The following TENM3 variants were observed in gnomAD, a reference collection of about 807,000 sequenced individuals.
TENM3 encodes the protein teneurin transmembrane protein 3, also known as teneurin-3.
TENM3 carries 63 observed loss-of-function variants against 255.1 expected under a neutral mutation model. The observed-to-expected ratio is 0.25, with a 90% CI of 0.20 to 0.30. The LOEUF is 0.30. Ranked by LOEUF, TENM3 falls within the 10% of genes least tolerant of loss-of-function variation. The pLI is 1.00. For synonymous variants in TENM3, 1,306 were observed against 1,322.3 expected (o/e 0.99, Z 0.27); for missense variants, 2,929 against 3,461.1 (o/e 0.85, Z 3.86).
chr4:182,154,607 C>T (rs572854918), intron 1 of TENM3, among the ~76,000 whole-genome samples: 5 of 152,220 alleles, frequency 3.3e-5, no homozygotes, highest in African/African-American at 1.2e-4. Flanking sequence ...TGCCAGATGA[C>T]CAGGGCATTG....
Position 182,793,437 on chromosome 4 carries a change from T to C in TENM3, c.6765T>C (p.Tyr2255=). The C allele has an allele frequency of 6.2e-7, 1 of 1,613,978 alleles. No homozygotes were observed. The highest frequency in any genetic ancestry group is 1.6e-4 in the Middle Eastern group (1 of 6,062). The change falls in exon 26 of 28, where the codon TAT becomes TAC. Residue 2255 remains tyrosine (Y), a synonymous_variant. Coordinates refer to ENST00000511685, the MANE Select transcript of TENM3 (RefSeq NM_001080477.4). This position sits in a 1 kb window ranked among gnomAD's most constrained non-coding sequence, Gnocchi z 5.7. ...HLQFFYADLT[Y]PTRITHVYNH... ...AGTTTTTTTATGCTGACTTAACTTA[T>C]CCCACTAGGATTACTCATGTCTACA... is the stretch of plus-strand genomic sequence containing the variant.
At chr4:181,919,374 G>GGT in the TENM3 span, among the ~76,000 whole-genome samples, 17,097 of 146,712 alleles carry the variant, frequency 0.12, 988 homozygotes, top group Non-Finnish European at 0.14. Flanking sequence ...AAGCAAAGCA[G>GGT]GTGTGTGTGT....
At chr4:181,651,256 G>A in the TENM3 span, among the ~76,000 whole-genome samples, 2 of 152,138 alleles carry the variant, frequency 1.3e-5, no homozygotes, top group Admixed American at 1.3e-4. Context: ...GCCTAAATAG[G>A]CATGTCATTT....
chr4:182,589,696 G>T (rs181062025), intron 3 of TENM3, among the ~76,000 whole-genome samples: 23 of 152,212 alleles, frequency 1.5e-4, no homozygotes, highest in Non-Finnish European at 2.9e-4. Flanking sequence ...TTTGCGGCCG[G>T]GCGCAGTGGC....
the TENM3 span, among the ~76,000 whole-genome samples, chr4:181,894,460 C>T: frequency 2.0e-5 from 3 of 152,094 alleles, no homozygotes; most frequent in Non-Finnish European, 2.9e-5. Context: ...TATTTGTTGG[C>T]AGCTGATAAA....
intron 1 of TENM3, among the ~76,000 whole-genome samples, chr4:182,210,149 C>G (rs2597110): frequency 0.049 from 7,450 of 152,246 alleles, 580 homozygotes; most frequent in African/African-American, 0.17. Context: ...TCTAGATCCC[C>G]TGCTCTCACA....
chr4:182,334,292 C>A (rs575706195), intron 2 of TENM3, among the ~76,000 whole-genome samples: 1 of 152,024 alleles, frequency 6.6e-6, no homozygotes, highest in East Asian at 1.9e-4. Flanking sequence ...TAAAACAGGA[C>A]CTAAATAAAT....
intron 22 of TENM3, among the ~76,000 whole-genome samples, chr4:182,771,212 G>A (rs1001821774): frequency 1.3e-5 from 2 of 152,196 alleles, no homozygotes; most frequent in African/African-American, 4.8e-5. Context: ...CTTTCTACAG[G>A]AGAAAGGTGA....
chr4:181,458,632 C>G, the TENM3 span, among the ~76,000 whole-genome samples: 1 of 151,894 alleles, frequency 6.6e-6, no homozygotes, highest in African/African-American at 2.4e-5. Context: ...TTGGCCTCCC[C>G]ACTCGTTCCT....
the TENM3 span, among the ~76,000 whole-genome samples, chr4:181,723,845 G>C: frequency 6.6e-6 from 1 of 152,096 alleles, no homozygotes; most frequent in Non-Finnish European, 1.5e-5. Flanking sequence ...TGTAAAGTCT[G>C]GACATTCTGA....
intron 3 of TENM3, among the ~76,000 whole-genome samples, chr4:182,451,969 A>C (rs1484725669): frequency 6.6e-6 from 1 of 152,234 alleles, no homozygotes; most frequent in Non-Finnish European, 1.5e-5. Flanking sequence ...TTTGTTTTAA[A>C]TTTTTATTAA....
At chr4:182,527,260 C>T (rs2151819706) in intron 3 of TENM3, among the ~76,000 whole-genome samples, 1 of 152,216 alleles carries the variant, frequency 6.6e-6, no homozygotes, top group Non-Finnish European at 1.5e-5. Flanking sequence ...TGTTTTTTAA[C>T]TTTCTGAAAT....
intron 3 of TENM3, among the ~76,000 whole-genome samples, chr4:182,489,603 G>C (rs974071776): frequency 1.3e-5 from 2 of 152,082 alleles, no homozygotes; most frequent in African/African-American, 2.4e-5. Flanking sequence ...ATGATTGATG[G>C]TTTTCTCATC....
At chr4:181,687,579 C>A in the TENM3 span, among the ~76,000 whole-genome samples, 1 of 152,156 alleles carries the variant, frequency 6.6e-6, no homozygotes. Flanking sequence ...GTTGGTGACT[C>A]CAGCCACTTG....
chr4:182,112,396 T>G, the TENM3 span, among the ~76,000 whole-genome samples: 1 of 152,146 alleles, frequency 6.6e-6, no homozygotes, highest in Non-Finnish European at 1.5e-5. Flanking sequence ...TTTGATGAGG[T>G]TCTTCAGATG....
chr4:182,744,354 T>C (rs1351653677), intron 19 of TENM3, among the ~76,000 whole-genome samples: 1 of 152,154 alleles, frequency 6.6e-6, no homozygotes, highest in Non-Finnish European at 1.5e-5. Flanking sequence ...ATTTACGTGA[T>C]ATAATTTGAG....
At chr4:181,572,633 A>T in the TENM3 span, among the ~76,000 whole-genome samples, 1 of 152,034 alleles carries the variant, frequency 6.6e-6, no homozygotes, top group African/African-American at 2.4e-5. Flanking sequence ...GTATATATTT[A>T]TGGGGTACAT....
chr4:182,615,818 A>G (rs1749458527), intron 4 of TENM3, among the ~76,000 whole-genome samples: 1 of 152,162 alleles, frequency 6.6e-6, no homozygotes, highest in Non-Finnish European at 1.5e-5. Flanking sequence ...GCGTTGTATA[A>G]CTCATTTGTT....
At chr4:182,497,603 C>CT (rs1735898418) in intron 3 of TENM3, among the ~76,000 whole-genome samples, 1 of 151,986 alleles carries the variant, frequency 6.6e-6, no homozygotes, top group Non-Finnish European at 1.5e-5. Flanking sequence ...AGGCAGTGAG[C>CT]TTTGGATGAA....
Sources: allele counts gnomAD v4.1 joint callset (sites outside exome capture counted in the v4.1 genomes callset), GRCh38; gene constraint gnomAD v4.1.1; non-coding constraint Gnocchi (gnomAD v3.1); transcripts MANE v1.5; gene names NCBI Gene and HGNC (gene_info 2026-07-23, HGNC 2026-07-21).